PPP1R12B: variants seen among roughly 807,000 people sequenced by gnomAD.
The protein encoded by PPP1R12B is myosin phosphatase target subunit 2.
A neutral mutation model predicts 126.1 loss-of-function variants in PPP1R12B; 76 were observed. That is an observed-to-expected ratio of 0.60 (90% CI 0.50 to 0.73). The LOEUF (loss-of-function observed/expected upper bound fraction) is 0.73, where lower values mean the gene tolerates loss of function less well. PPP1R12B is among the 30% of genes least tolerant of loss of function. PPP1R12B has a pLI of 0.00. For synonymous variants in PPP1R12B, 356 were observed against 434.7 expected, an observed-to-expected ratio of 0.82 and a Z score of 2.25; for missense variants, 1,052 against 1,205.1, an observed-to-expected ratio of 0.87 and a Z score of 1.88.
chr1:202,545,277 A>G (rs75246104), intron 18 of PPP1R12B, among the ~76,000 whole-genome samples: 3,469 of 152,344 alleles, frequency 0.023, 136 homozygotes, highest in African/African-American at 0.078. Flanking sequence ...TCTTCCTAGA[A>G]TAGTAAAACC....
chr1:202,425,811 G>C, intron 4 of PPP1R12B, 86 bp downstream of exon 4: 1 of 1,304,506 alleles, frequency 7.7e-7, no homozygotes, highest in Admixed American at 2.2e-5. Flanking sequence ...TAGATTTTCC[G>C]CTATGACGTG....
At chr1:202,367,275 G>T (rs1337299318) in intron 1 of PPP1R12B, among the ~76,000 whole-genome samples, 1 of 152,186 alleles carries the variant, frequency 6.6e-6, no homozygotes, top group African/African-American at 2.4e-5. Flanking sequence ...TTAAGATTAT[G>T]AGCTTTGGAA....
chr1:202,430,962 C>A (rs1670118533), intron 7 of PPP1R12B, 152 bp downstream of exon 7: 3 of 1,170,230 alleles, frequency 2.6e-6, no homozygotes, highest in African/African-American at 3.1e-5. Context: ...CTTTGTGGGA[C>A]AAGAGAGTGG....
At chr1:202,372,462 AC>A (rs1212938417) in intron 1 of PPP1R12B, among the ~76,000 whole-genome samples, 1 of 152,134 alleles carries the variant, frequency 6.6e-6, no homozygotes. Context: ...TGAGATCAAC[AC>A]TAAACTTCAG....
chr1:202,394,463 A>G (rs1014349328), intron 1 of PPP1R12B, among the ~76,000 whole-genome samples: 22 of 151,538 alleles, frequency 1.5e-4, no homozygotes, highest in African/African-American at 4.8e-4. Flanking sequence ...CTTTAAGAAA[A>G]TCAATTTGGG....
At position 202,421,886 on chromosome 1, in the gene PPP1R12B, G is replaced by A. The variant is rs572817278; in HGVS notation, c.423-734G>A. 2.1e-3 allele frequency among the ~76,000 whole-genome samples: 317 copies of A among 152,196 alleles called. 1 individual carries two copies. Among genetic ancestry groups the A allele is most frequent in the African/African-American group, 7.4e-3 (308 of 41,514 alleles). ...GGGCTGTACCCTCTGCCATTTACCC[G>A]CTATGTGGTTTTGAGAAAATTACTT... On this transcript the variant is annotated intron_variant, in intron 2 of 23. Coordinates refer to ENST00000608999, the MANE Select transcript of PPP1R12B (RefSeq NM_002481.4).
intron 1 of PPP1R12B, among the ~76,000 whole-genome samples, chr1:202,396,726 C>T (rs1162715189): frequency 3.9e-5 from 6 of 152,190 alleles, no homozygotes; most frequent in Admixed American, 3.9e-4. Context: ...GATCCTCCCA[C>T]CTCAGCCTCC....
rs781480060 is a variant in PPP1R12B at position 202,438,014 on chromosome 1, A to G, written c.1448A>G (p.Asn483Ser). Residue 483 changes from asparagine (N) to serine (S), a missense_variant, in exon 10 of 24, where the codon AAC (asparagine) becomes AGC (serine). Transcript: ENST00000608999. ...CCTCGGATTTCTGCTCTACTGGACA[A>G]CAAAGATAAGGTGCAGTTTGGGAGG... ...SSPRISALLD[N>S]KDKERENKSY... The G allele has an allele frequency of 1.2e-6, 2 of 1,613,890 alleles. No homozygotes were observed. The highest frequency in any genetic ancestry group is 1.1e-5 in the South Asian group (1 of 91,066).
In PPP1R12B at chr1:202,540,348, A is replaced by T. The variant is rs1450205968; in HGVS notation, c.2491-18529A>T. ...GTTTAGAGCAAAGGGATTTCAGAGC[A>T]TATGGGAATCAGTACAGGGAAAAAA... On this transcript the variant is annotated intron_variant, in intron 18 of 23. Coordinates refer to ENST00000608999, the MANE Select transcript of PPP1R12B (RefSeq NM_002481.4). 21 of 916,094 alleles carry T rather than the reference A, an allele frequency of 2.3e-5. No homozygotes were observed. In the East Asian group the frequency reaches 6.5e-4, roughly 28 times the overall value. The allele number at this position is 916,094 out of a possible 1,614,324, so 56.7% of individuals were successfully genotyped here.
chr1:202,564,679 C>T, intron 21 of PPP1R12B, 132 bp downstream of exon 21: 1 of 606,466 alleles, frequency 1.6e-6, no homozygotes. Flanking sequence ...GAGATAGAAG[C>T]TTCTTAGATT....
At chr1:202,523,854 A>G (rs564445687) in intron 18 of PPP1R12B, among the ~76,000 whole-genome samples, 53 of 152,258 alleles carry the variant, frequency 3.5e-4, no homozygotes, top group African/African-American at 1.2e-3. Context: ...AGCTAGGATT[A>G]CAGGTGCATG....
In PPP1R12B at chr1:202,442,503, A is replaced by G. The variant is rs1572045367; in HGVS notation, c.1598A>G (p.Asp533Gly). The change falls in exon 12 of 24, where the codon GAT becomes GGT. Residue 533 changes from aspartate to glycine, a missense_variant. Coordinates refer to ENST00000608999, the MANE Select transcript of PPP1R12B (RefSeq NM_002481.4). Reference protein sequence around the residue: ...SGSYTRQLWRDEAKGNEIPQT... With the variant: ...SGSYTRQLWRGEAKGNEIPQT... ...TCCTATACCCGGCAGCTATGGAGGG[A>G]TGAAGCAAAAGGAAATGAAATCCCA... 1 of 1,613,740 alleles carries G rather than the reference A, an allele frequency of 6.2e-7. No individual in the cohort carries two copies. The highest frequency in any genetic ancestry group is 8.5e-7 in the Non-Finnish European group (1 of 1,179,816).
intron 20 of PPP1R12B, among the ~76,000 whole-genome samples, chr1:202,563,860 G>C (rs1049016944): frequency 1.3e-5 from 2 of 152,104 alleles, no homozygotes; most frequent in Admixed American, 6.5e-5. Context: ...TTGAGCCCAG[G>C]AGTTCCAGAC....
chr1:202,511,838 A>G (rs1286794653), intron 18 of PPP1R12B, among the ~76,000 whole-genome samples: 1 of 143,008 alleles, frequency 7.0e-6, no homozygotes, highest in East Asian at 2.1e-4. Context: ...GTGCAATGAC[A>G]TGATCTTGGC....
At chr1:202,437,681 G>A in intron 9 of PPP1R12B, 140 bp from the exon 10 acceptor site, 1 of 752,948 alleles carries the variant, frequency 1.3e-6, no homozygotes, top group Non-Finnish European at 2.1e-6. Flanking sequence ...AACATGGGCA[G>A]AAAGACTGCC....
intron 13 of PPP1R12B, among the ~76,000 whole-genome samples, chr1:202,482,419 T>G (rs1319942229): frequency 1.3e-5 from 2 of 152,256 alleles, no homozygotes; most frequent in African/African-American, 4.8e-5. Context: ...GTCTTTTTGA[T>G]AATGGTCATT....
intron 13 of PPP1R12B, among the ~76,000 whole-genome samples, chr1:202,451,746 G>A (rs1672960545): frequency 6.6e-6 from 1 of 151,992 alleles, no homozygotes; most frequent in African/African-American, 2.4e-5. Flanking sequence ...AGTAGGGGCG[G>A]CCGGGCAGAG....
intron 18 of PPP1R12B, among the ~76,000 whole-genome samples, chr1:202,558,324 T>C (rs1207519102): frequency 6.6e-6 from 1 of 151,936 alleles, no homozygotes; most frequent in Non-Finnish European, 1.5e-5. Context: ...ACCAGCATCC[T>C]AGGGACAAGG....
rs1219936282 is a variant in PPP1R12B at position 202,580,326 on chromosome 1, A to G, written c.2863-148A>G. 3 of 611,742 alleles carry G rather than the reference A, an allele frequency of 4.9e-6. No homozygotes were observed. The African/African-American group carries it at 5.6e-5, about 11-fold the overall frequency. The allele number at this position is 611,742 out of a possible 1,614,324, so 37.9% of individuals were successfully genotyped here. A position where few individuals can be genotyped will look rare whatever the true frequency, so the allele number is the denominator to read the frequency against. ...TCAATAAAAAGGAAGATTGAAGGGA[A>G]TTTCATCCCTGGGAGAAGGGACCAT... On this transcript the variant is annotated intron_variant, in intron 23 of 23. Transcript: ENST00000608999.
Sources: allele counts gnomAD v4.1 joint callset (sites outside exome capture counted in the v4.1 genomes callset), GRCh38; gene constraint gnomAD v4.1.1; transcripts MANE v1.5; gene names NCBI Gene and HGNC (gene_info 2026-07-23, HGNC 2026-07-21).